NHSL1: variants seen among roughly 807,000 people sequenced by gnomAD.
NHSL1 encodes NHS like 1.
NHSL1 carries 48 observed loss-of-function variants against 95.0 expected under a neutral mutation model. That is an observed-to-expected ratio of 0.51 (90% CI 0.40 to 0.64). The LOEUF is 0.64. Among genes scored for constraint, NHSL1 ranks in the 30% least tolerant of loss-of-function variants. The pLI is 0.00. For missense variants in NHSL1, 1,971 were observed against 2,077.7 expected, an observed-to-expected ratio of 0.95 and a Z score of 1.00; for synonymous variants, 783 against 833.9, an observed-to-expected ratio of 0.94 and a Z score of 1.05.
At chr6:138,504,082 AAT>A (rs35326002), upstream of NHSL1, among the ~76,000 whole-genome samples, 47,400 of 150,642 alleles carry the variant, frequency 0.31, 8,180 homozygotes, top group Middle Eastern at 0.58. Flanking sequence ...ATACAAAAAA[AAT>A]ATTAGCCCGG....
intron 1 of NHSL1, among the ~76,000 whole-genome samples, chr6:138,556,750 G>A (rs551624331): frequency 7.9e-5 from 12 of 152,004 alleles, no homozygotes; most frequent in South Asian, 2.1e-4. Context: ...CTCAAATATC[G>A]TTTAAAGTAT....
intron 1 of NHSL1, among the ~76,000 whole-genome samples, chr6:138,496,803 C>G (rs2128286052): frequency 6.6e-6 from 1 of 152,254 alleles, no homozygotes; most frequent in Middle Eastern, 3.4e-3. Context: ...GAATTTCCTA[C>G]CAGGAGGTTT....
In NHSL1 at chr6:138,665,970, C is replaced by T. The variant is rs1294538600; in HGVS notation, c.96+26506G>A. Among the ~76,000 whole-genome samples the T allele has an allele frequency of 2.0e-5, 3 of 152,282 alleles. No homozygotes were observed. The East Asian group carries it at 5.8e-4, about 29-fold the overall frequency. On this transcript the variant is annotated intron_variant, in intron 1 of 3. Transcript: ENST00000491526. ...AATAAAATTATCCATAAGACAAATG[C>T]TAGCTCTTGAGGTGCTCAATCCATA... is the stretch of plus-strand genomic sequence containing the variant.
chr6:138,626,763 G>A (rs1343807118), intron 1 of NHSL1, among the ~76,000 whole-genome samples: 2 of 115,216 alleles, frequency 1.7e-5, no homozygotes, highest in Admixed American at 8.5e-5. Flanking sequence ...GCGTAGTGGC[G>A]GGCGCCTGTC....
chr6:138,512,967 T>G (rs1401304807), intron 1 of NHSL1, among the ~76,000 whole-genome samples: 1 of 152,204 alleles, frequency 6.6e-6, no homozygotes, highest in Non-Finnish European at 1.5e-5. Context: ...CTACCCTCAA[T>G]CTGTTCGTGC....
At chr6:138,458,842 CA>C (rs767005610) in intron 3 of NHSL1, among the ~76,000 whole-genome samples, 51 of 119,900 alleles carry the variant, frequency 4.3e-4, no homozygotes, top group African/African-American at 1.1e-3. Flanking sequence ...AAAAAAAAAA[CA>C]AAAAAAAAAA....
At chr6:138,678,759 A>G (rs965076322) in intron 1 of NHSL1, among the ~76,000 whole-genome samples, 4 of 152,170 alleles carry the variant, frequency 2.6e-5, no homozygotes, top group African/African-American at 9.7e-5. Context: ...TTCCTCTCTT[A>G]CAATTTTTAT....
At chr6:138,573,396 T>G (rs774474186), upstream of NHSL1, among the ~76,000 whole-genome samples, 11 of 152,160 alleles carry the variant, frequency 7.2e-5, no homozygotes, top group Non-Finnish European at 8.8e-5. Context: ...GAGAACTAGG[T>G]CTGTAGCACT....
At chr6:138,502,617 A>T (rs977752570), upstream of NHSL1, among the ~76,000 whole-genome samples, 4 of 152,170 alleles carry the variant, frequency 2.6e-5, no homozygotes, top group African/African-American at 9.7e-5. Flanking sequence ...AGGGCAAAAA[A>T]AGAAAAAGAA....
chr6:138,537,463 A>G (rs1383927664), intron 1 of NHSL1, among the ~76,000 whole-genome samples: 1 of 152,234 alleles, frequency 6.6e-6, no homozygotes, highest in Non-Finnish European at 1.5e-5. Flanking sequence ...ACTATGTAGA[A>G]ATACTACATT....
intron 1 of NHSL1, among the ~76,000 whole-genome samples, chr6:138,587,252 C>T (rs575129544): frequency 2.0e-5 from 3 of 151,458 alleles, no homozygotes; most frequent in South Asian, 2.1e-4. Context: ...GGATTACAGG[C>T]GTGAGCCACC....
chr6:138,532,443 C>T (rs1451746968), intron 1 of NHSL1, among the ~76,000 whole-genome samples: 2 of 152,078 alleles, frequency 1.3e-5, no homozygotes, highest in African/African-American at 4.8e-5. Context: ...ATCCGTGAGT[C>T]AGGAGCCTAA....
rs144869726 is a variant in NHSL1 at position 138,645,674 on chromosome 6, A to C, written c.96+46802T>G. The stretch of plus-strand genomic sequence containing the variant: ...AGGTGTGCACCACCATGCCCAGCTA[A>C]TTTTTGTATTTTTAGTAGAGATGGG... On this transcript the variant is annotated intron_variant, in intron 1 of 3. Coordinates refer to the NHSL1 transcript ENST00000491526. 2.0e-3 allele frequency among the ~76,000 whole-genome samples: 307 copies of C among 151,670 alleles called. 1 individual carries two copies. The highest frequency in any genetic ancestry group is 7.0e-3 in the African/African-American group (290 of 41,370).
chr6:138,646,203 CTT>C (rs1785019083), intron 1 of NHSL1, among the ~76,000 whole-genome samples: 1 of 152,174 alleles, frequency 6.6e-6, no homozygotes, highest in Admixed American at 6.5e-5. Flanking sequence ...ACACAAATCC[CTT>C]GTTACATACC....
At chr6:138,478,874 C>T (rs1779249034) in intron 2 of NHSL1, among the ~76,000 whole-genome samples, 1 of 152,074 alleles carries the variant, frequency 6.6e-6, no homozygotes, top group Admixed American at 6.6e-5. Flanking sequence ...TTCCATAGCA[C>T]AAGGACGAGG....
chr6:138,525,119 C>A (rs1183300243), intron 1 of NHSL1, among the ~76,000 whole-genome samples: 2 of 151,940 alleles, frequency 1.3e-5, no homozygotes, highest in Admixed American at 1.3e-4. Context: ...TGTCTCTGGG[C>A]GTTGGATTTT....
intron 1 of NHSL1, among the ~76,000 whole-genome samples, chr6:138,605,643 G>A (rs1250186715): frequency 2.0e-5 from 3 of 152,078 alleles, no homozygotes; most frequent in South Asian, 2.1e-4. Context: ...AAGACATCAG[G>A]CACAAATATA....
At chr6:138,466,042 G>GGGC (rs1562298509) in intron 3 of NHSL1, among the ~76,000 whole-genome samples, 1 of 69,326 alleles carries the variant, frequency 1.4e-5, no homozygotes, top group African/African-American at 9.6e-5. Flanking sequence ...ACTCCTTTTT[G>GGGC]GGGGGGGGGC....
intron 3 of NHSL1, among the ~76,000 whole-genome samples, chr6:138,457,862 G>A (rs1203514176): frequency 6.6e-6 from 1 of 152,012 alleles, no homozygotes; most frequent in Non-Finnish European, 1.5e-5. Flanking sequence ...ACAAAAATTA[G>A]CTGGGCATGG....
Sources: allele counts gnomAD v4.1 joint callset (sites outside exome capture counted in the v4.1 genomes callset), GRCh38; gene constraint gnomAD v4.1.1; transcripts MANE v1.5; gene names NCBI Gene and HGNC (gene_info 2026-07-23, HGNC 2026-07-21).